DNAJC3: variants seen among roughly 807,000 people sequenced by gnomAD.
The protein encoded by DNAJC3 is DnaJ heat shock protein family (Hsp40) member C3.
A neutral mutation model predicts 68.6 loss-of-function variants in DNAJC3; 38 were observed. That is an observed-to-expected ratio of 0.55 (90% confidence interval 0.43 to 0.73). The LOEUF (loss-of-function observed/expected upper bound fraction) is 0.73. Among genes scored for constraint, DNAJC3 ranks in the 30% least tolerant of loss-of-function variants. The pLI, the probability that DNAJC3 is intolerant of heterozygous loss-of-function variation, is 0.00. For missense variants in DNAJC3, 526 were observed against 591.9 expected (o/e 0.89, Z 1.16); for synonymous variants, 203 against 204.0 (o/e 1.00, Z 0.04).
intron 1 of DNAJC3, among the ~76,000 whole-genome samples, chr13:95,704,891 G>C (rs185634469): frequency 1.9e-5 from 2 of 106,976 alleles, no homozygotes; most frequent in Middle Eastern, 5.4e-3. Context: ...TCGCAGTGTC[G>C]CCCAGGCTGG....
At chr13:95,772,140 A>G (rs971323418) in intron 9 of DNAJC3, among the ~76,000 whole-genome samples, 3 of 152,116 alleles carry the variant, frequency 2.0e-5, no homozygotes, top group Non-Finnish European at 4.4e-5. Context: ...TTCCAATAAA[A>G]CTTTATTTTG....
At chr13:95,689,562 T>C (rs764020742) in intron 1 of DNAJC3, among the ~76,000 whole-genome samples, 2 of 151,962 alleles carry the variant, frequency 1.3e-5, no homozygotes, top group Non-Finnish European at 2.9e-5. Context: ...TTGTAGATCC[T>C]TTTTCTTTTT....
chr13:95,727,601 G>A (rs1881573666), intron 4 of DNAJC3, among the ~76,000 whole-genome samples: 1 of 152,102 alleles, frequency 6.6e-6, no homozygotes, highest in South Asian at 2.1e-4. Context: ...ACAAATAGAT[G>A]ACAGGTGCCA....
chr13:95,713,412 TAAG>T (rs1881038717), intron 2 of DNAJC3, among the ~76,000 whole-genome samples: 1 of 152,084 alleles, frequency 6.6e-6, no homozygotes, highest in Non-Finnish European at 1.5e-5. Context: ...AAAAAACACC[TAAG>T]AAGAAATCTA....
At chr13:95,741,797 C>A (rs1593996115) in intron 4 of DNAJC3, among the ~76,000 whole-genome samples, 2 of 152,170 alleles carry the variant, frequency 1.3e-5, no homozygotes, top group Non-Finnish European at 1.5e-5. Context: ...GGCTCACCCT[C>A]AGGCTCCAGG....
chr13:95,776,782 A>G (rs983707597), intron 9 of DNAJC3, among the ~76,000 whole-genome samples: 2 of 152,160 alleles, frequency 1.3e-5, no homozygotes, highest in Non-Finnish European at 2.9e-5. Context: ...GAAATTTTTT[A>G]GGATTTGCCT....
At chr13:95,707,540 A>C (rs975501437) in intron 1 of DNAJC3, among the ~76,000 whole-genome samples, 35 of 152,204 alleles carry the variant, frequency 2.3e-4, no homozygotes, top group Non-Finnish European at 4.7e-4. Flanking sequence ...TTAGCACTGC[A>C]CTGAAGCCCA....
intron 1 of DNAJC3, among the ~76,000 whole-genome samples, chr13:95,696,189 G>T (rs558861044): frequency 6.6e-6 from 1 of 152,136 alleles, no homozygotes; most frequent in East Asian, 1.9e-4. Flanking sequence ...TAGTGCATAC[G>T]TTCATTCACT....
chr13:95,708,565 G>T (rs1420553238), intron 1 of DNAJC3, among the ~76,000 whole-genome samples: 1 of 152,088 alleles, frequency 6.6e-6, no homozygotes, highest in Non-Finnish European at 1.5e-5. Flanking sequence ...TGTCTGCATG[G>T]TGAGTTCCTC....
chr13:95,784,623 T>C (rs1432207157), intron 9 of DNAJC3, among the ~76,000 whole-genome samples: 1 of 152,180 alleles, frequency 6.6e-6, no homozygotes, highest in East Asian at 1.9e-4. Context: ...ATAAACTGTA[T>C]TTTTCATACA....
chr13:95,734,185 GT>G (rs1468850134), intron 4 of DNAJC3, among the ~76,000 whole-genome samples: 3 of 152,136 alleles, frequency 2.0e-5, no homozygotes, highest in Non-Finnish European at 4.4e-5. Flanking sequence ...TTGCATCTAG[GT>G]TTAGGACTCC....
chr13:95,706,683 AC>A (rs1456889474), intron 1 of DNAJC3, among the ~76,000 whole-genome samples: 1 of 152,122 alleles, frequency 6.6e-6, no homozygotes, highest in African/African-American at 2.4e-5. Context: ...AGGGGGGAAA[AC>A]TACTTCTGGT....
At chr13:95,678,350 C>A (rs981022871) in intron 1 of DNAJC3, among the ~76,000 whole-genome samples, 51 of 152,120 alleles carry the variant, frequency 3.4e-4, no homozygotes, top group African/African-American at 1.1e-3. Flanking sequence ...ATAGTGAATT[C>A]TTCTGAAAGT....
chr13:95,791,521 T>TGTGA lies in DNAJC3; in HGVS notation c.*494_*497dup. ...CTTCGATGTGGTCAGTCTCGTCACT[T>TGTGA]GTGAGTAGCTGTGAAATCTTTAGTG... is the stretch of plus-strand genomic sequence containing the variant. On this transcript the variant is annotated 3_prime_UTR_variant, in exon 12 of 12. Transcript: ENST00000602402. The TGTGA allele has an allele frequency of 1.2e-5, 2 of 162,940 alleles. No individual in the cohort carries two copies. Among genetic ancestry groups the TGTGA allele is most frequent in the Non-Finnish European group, 2.7e-5 (2 of 74,662 alleles). The allele number at this position is 162,940 out of a possible 1,614,324, so 10.1% of individuals were successfully genotyped here.
intron 11 of DNAJC3, among the ~76,000 whole-genome samples, chr13:95,787,834 G>T (rs2289812): frequency 6.6e-6 from 1 of 152,022 alleles, no homozygotes; most frequent in South Asian, 2.1e-4. Flanking sequence ...CAGTAATATG[G>T]CCTGGAAATT....
At chr13:95,681,290 TAA>T (rs1307403135) in intron 1 of DNAJC3, among the ~76,000 whole-genome samples, 1 of 152,218 alleles carries the variant, frequency 6.6e-6, no homozygotes, top group Admixed American at 6.5e-5. Context: ...ACCTTATAGG[TAA>T]ACACGGACGG....
chr13:95,724,504 T>A (rs1881442481), intron 3 of DNAJC3, among the ~76,000 whole-genome samples: 1 of 152,208 alleles, frequency 6.6e-6, no homozygotes, highest in Non-Finnish European at 1.5e-5. Context: ...GGGCAAAAAG[T>A]ATTTTTAAAA....
chr13:95,713,389 A>G (rs1317077738), intron 2 of DNAJC3, among the ~76,000 whole-genome samples: 1 of 152,238 alleles, frequency 6.6e-6, no homozygotes, highest in Non-Finnish European at 1.5e-5. Context: ...CTATATTAGC[A>G]ATAAACAAAT....
At chr13:95,712,557 A>G (rs1218212123) in intron 2 of DNAJC3, among the ~76,000 whole-genome samples, 6 of 151,962 alleles carry the variant, frequency 3.9e-5, no homozygotes, top group South Asian at 4.2e-4. Context: ...TTGTATTTTT[A>G]GTAGAGATGG....
Sources: gnomAD v4.1 joint callset for allele counts (sites outside exome capture counted in the v4.1 genomes callset) on GRCh38, gnomAD v4.1.1 for gene constraint, MANE v1.5 for transcripts, NCBI Gene and HGNC (gene_info 2026-07-23, HGNC 2026-07-21) for gene names.